Variants in CACNG5 observed in about 807,000 individuals in gnomAD.
CACNG5 encodes the protein calcium voltage-gated channel auxiliary subunit gamma 5.
In CACNG5, 18 loss-of-function variants were observed where a neutral mutation model predicts 24.8. That is an observed-to-expected ratio of 0.73 (90% confidence interval 0.50 to 1.08). CACNG5 has a LOEUF of 1.08. Among genes scored for constraint, CACNG5 ranks in the 50% least tolerant of loss-of-function variants. The pLI is 0.00. For synonymous variants in CACNG5, 157 were observed against 149.1 expected, an observed-to-expected ratio of 1.05 and a Z score of -0.39; for missense variants, 349 against 367.9, an observed-to-expected ratio of 0.95 and a Z score of 0.42.
chr17:66,845,432 A>C (rs1347083988), intron 1 of CACNG5, among the ~76,000 whole-genome samples: 1 of 150,900 alleles, frequency 6.6e-6, no homozygotes, highest in Non-Finnish European at 1.5e-5. Context: ...CACATTCTGC[A>C]CATGTGTCCC....
chr17:66,849,894 G>A (rs2143043560), intron 1 of CACNG5, among the ~76,000 whole-genome samples: 1 of 152,308 alleles, frequency 6.6e-6, no homozygotes, highest in Admixed American at 6.5e-5. Flanking sequence ...CTGGGTGTGT[G>A]ATCTTTTTGC....
chr17:66,869,209 G>A (rs557247998), intron 1 of CACNG5, among the ~76,000 whole-genome samples: 33 of 152,064 alleles, frequency 2.2e-4, no homozygotes, highest in African/African-American at 6.3e-4. Context: ...TCAGCCTCCC[G>A]AGTAGCTGGG....
intron 1 of CACNG5, among the ~76,000 whole-genome samples, chr17:66,875,484 C>T (rs930201644): frequency 2.0e-5 from 3 of 152,302 alleles, no homozygotes; most frequent in Admixed American, 6.5e-5. Flanking sequence ...AGAGCAGGGC[C>T]GGCGCTGTGG....
Position 66,886,346 on chromosome 17 carries a change from A to G in CACNG5, c.*1106A>G, listed in dbSNP as rs28477164. The stretch of plus-strand genomic sequence containing the variant: ...ATTGGGGGGTTGCCAATTTAATCCT[A>G]ATATAGAGGAGTGTCTGCTTCCTGG... On this transcript the variant is annotated 3_prime_UTR_variant, in exon 6 of 6. Coordinates refer to ENST00000533854, the MANE Select transcript of CACNG5 (RefSeq NM_145811.3). 0.016 allele frequency among the ~76,000 whole-genome samples: 2,469 copies of G among 152,138 alleles called. 30 individuals carry two copies. The highest frequency in any genetic ancestry group is 0.027 in the African/African-American group (1,141 of 41,506).
At chr17:66,852,889 CTCTT>C (rs1180225079) in intron 1 of CACNG5, among the ~76,000 whole-genome samples, 1 of 134,960 alleles carries the variant, frequency 7.4e-6, no homozygotes, top group Non-Finnish European at 1.6e-5. Context: ...CTCTCTTTTT[CTCTT>C]TCTCTCTTCT....
In CACNG5 at chr17:66,882,593, C is replaced by T. The variant is rs995572191; in HGVS notation, c.424+1896C>T. On this transcript the variant is annotated intron_variant, in intron 4 of 5. Coordinates refer to ENST00000533854, the MANE Select transcript of CACNG5 (RefSeq NM_145811.3). ...GTGACCTGTGCATTTTCATGGAGAC[C>T]TTTTCTTTTGGAGATAACGACTTGG... Among the ~76,000 whole-genome samples the T allele has an allele frequency of 2.0e-5, 3 of 152,060 alleles. No individual in the cohort carries two copies. In the East Asian group the frequency reaches 5.8e-4, roughly 29 times the overall value.
chr17:66,885,555 C>G lies in CACNG5; in HGVS notation c.*315C>G. ...CCCAAGCCCAGGAGACACCGATGTT[C>G]CCTTTGTATATTCTTCCTGCACCCC... is the stretch of plus-strand genomic sequence containing the variant. On this transcript the variant is annotated 3_prime_UTR_variant, in exon 6 of 6. Transcript: ENST00000533854. 1 of 347,564 alleles carries G rather than the reference C, an allele frequency of 2.9e-6. No individual in the cohort carries two copies. Among genetic ancestry groups the G allele is most frequent in the Non-Finnish European group, 5.2e-6 (1 of 191,572 alleles). 21.5% of individuals were successfully genotyped at this position (347,564 alleles called of 1,614,324 possible). A position where few individuals can be genotyped will look rare whatever the true frequency, so the allele number is the denominator to read the frequency against.
At position 66,855,732 on chromosome 17, in the gene CACNG5, G is replaced by A. The variant is rs1320839909; in HGVS notation, c.-104+20482G>A. On this transcript the variant is annotated intron_variant, in intron 1 of 5. Transcript: ENST00000533854. ...GGCTGGTCTTGAACTCCTGGCCTCA[G>A]GTGATCTGCCCGCCTTGGCCTCCCA... 5.3e-5 allele frequency among the ~76,000 whole-genome samples: 8 copies of A among 152,206 alleles called. No individual in the cohort carries two copies. The East Asian group carries it at 1.5e-3, about 29-fold the overall frequency.
intron 1 of CACNG5, among the ~76,000 whole-genome samples, chr17:66,870,712 C>G (rs1447109465): frequency 6.6e-6 from 1 of 152,146 alleles, no homozygotes; most frequent in Non-Finnish European, 1.5e-5. Flanking sequence ...GGTGTGGTGG[C>G]TCACACCTAT....
rs1263007724 is a variant in CACNG5, at chr17:66,886,666, C to T, written c.*1426C>T. On this transcript the variant is annotated 3_prime_UTR_variant, in exon 6 of 6. Transcript: ENST00000533854. ...AGAACAGAAAGCCATGGTGGCGACA[C>T]GTGGGCTCCAGCACGTAGTCCAGAA... Among the ~76,000 whole-genome samples, 2 of 152,202 alleles carry T rather than the reference C, an allele frequency of 1.3e-5. No individual in the cohort carries two copies. The highest frequency in any genetic ancestry group is 1.3e-4 in the Admixed American group (2 of 15,278).
chr17:66,844,523 G>T (rs192797555), intron 1 of CACNG5, among the ~76,000 whole-genome samples: 8 of 152,318 alleles, frequency 5.3e-5, no homozygotes, highest in African/African-American at 1.4e-4. Context: ...CACTCACTTT[G>T]TCTTCCTGGT....
intron 4 of CACNG5, among the ~76,000 whole-genome samples, chr17:66,881,909 T>C (rs1368554307): frequency 6.6e-6 from 1 of 152,026 alleles, no homozygotes; most frequent in Non-Finnish European, 1.5e-5. Context: ...AGGAAAAATG[T>C]AGTGAGAAGA....
chr17:66,884,838 T>G, intron 5 of CACNG5, 145 bp from the exon 6 acceptor site: 1 of 1,613,222 alleles, frequency 6.2e-7, no homozygotes, highest in Non-Finnish European at 8.5e-7. Flanking sequence ...CTGGGTCTCC[T>G]CCGGCCAGGA....
Position 66,887,987 on chromosome 17 carries a change from A to G in CACNG5, c.*2747A>G, listed in dbSNP as rs944173425. Among the ~76,000 whole-genome samples, 3 of 152,182 alleles carry G rather than the reference A, an allele frequency of 2.0e-5. No homozygotes were observed. The highest frequency in any genetic ancestry group is 4.8e-5 in the African/African-American group (2 of 41,448). ...ACGTTAACATGTACAAACTCAACTC[A>G]GAAATCATAAATTAGGGTCTCTTCT... On this transcript the variant is annotated 3_prime_UTR_variant, in exon 6 of 6. Coordinates refer to ENST00000533854, the MANE Select transcript of CACNG5 (RefSeq NM_145811.3).
At chr17:66,860,777 A>C (rs923309356) in intron 1 of CACNG5, among the ~76,000 whole-genome samples, 1 of 152,208 alleles carries the variant, frequency 6.6e-6, no homozygotes, top group Non-Finnish European at 1.5e-5. Flanking sequence ...CATGGGCTGC[A>C]TGTGGCCCAG....
chr17:66,836,245 C>T (rs1289720945), intron 1 of CACNG5, among the ~76,000 whole-genome samples: 2 of 152,172 alleles, frequency 1.3e-5, no homozygotes, highest in Admixed American at 1.3e-4. Flanking sequence ...ACAGGATCCC[C>T]AAGTGGGAGC....
At chr17:66,869,335 C>T (rs544750101) in intron 1 of CACNG5, among the ~76,000 whole-genome samples, 3 of 152,276 alleles carry the variant, frequency 2.0e-5, no homozygotes, top group South Asian at 2.1e-4. Flanking sequence ...TTCCTTGACT[C>T]GGCCTCTCAA....
At chr17:66,882,217 A>G (rs544161596) in intron 4 of CACNG5, among the ~76,000 whole-genome samples, 7 of 152,312 alleles carry the variant, frequency 4.6e-5, no homozygotes, top group African/African-American at 1.7e-4. Flanking sequence ...TCCAGGGAAG[A>G]GTCAAGGTAA....
At chr17:66,837,407 G>C (rs574929977) in intron 1 of CACNG5, among the ~76,000 whole-genome samples, 2 of 152,320 alleles carry the variant, frequency 1.3e-5, no homozygotes, top group African/African-American at 4.8e-5. Context: ...CCCAGCTTCT[G>C]CCCCGAGCCA....
Sources: gnomAD v4.1 joint callset for allele counts (sites outside exome capture counted in the v4.1 genomes callset) on GRCh38, gnomAD v4.1.1 for gene constraint, MANE v1.5 for transcripts, NCBI Gene and HGNC (gene_info 2026-07-23, HGNC 2026-07-21) for gene names.